CA10: variants seen among roughly 807,000 people sequenced by gnomAD.
CA10 encodes carbonic anhydrase 10 (inactive).
A neutral mutation model predicts 44.2 loss-of-function variants in CA10; 14 were observed. The ratio of observed to expected loss-of-function variants is 0.32; its 90% CI spans 0.21 to 0.50. The LOEUF (loss-of-function observed/expected upper bound fraction) is 0.50, where lower values mean the gene tolerates loss of function less well. Among genes scored for constraint, CA10 ranks in the 20% least tolerant of loss-of-function variants. The probability of loss-of-function intolerance (pLI) is 0.99; values close to 1 mark genes in which losing one functional copy is unlikely to be tolerated. For missense variants in CA10, 350 were observed against 409.7 expected, an observed-to-expected ratio of 0.85 and a Z score of 1.26; for synonymous variants, 159 against 141.6, an observed-to-expected ratio of 1.12 and a Z score of -0.87.
chr17:52,120,147 G>T (rs1988981733), intron 1 of CA10, among the ~76,000 whole-genome samples: 1 of 152,144 alleles, frequency 6.6e-6, no homozygotes, highest in African/African-American at 2.4e-5. Flanking sequence ...ATCTGTGTGT[G>T]CCAGCAGCCT....
At chr17:51,670,635 A>G (rs1914382573) in intron 4 of CA10, among the ~76,000 whole-genome samples, 1 of 152,116 alleles carries the variant, frequency 6.6e-6, no homozygotes, top group Admixed American at 6.5e-5. Flanking sequence ...TGTAGCATCC[A>G]TACTTCCCCA....
At chr17:51,943,427 C>T in intron 2 of CA10, among the ~76,000 whole-genome samples, 2 of 152,200 alleles carry the variant, frequency 1.3e-5, no homozygotes, top group East Asian at 3.9e-4. Context: ...GTAAATATCT[C>T]TAAAGGGTTT....
chr17:51,804,599 G>A (rs531134429), intron 3 of CA10, among the ~76,000 whole-genome samples: 12 of 152,254 alleles, frequency 7.9e-5, no homozygotes, highest in Middle Eastern at 3.4e-3. Context: ...TCTTCACTAA[G>A]ACTCTGCCTT....
At chr17:52,142,395 G>A (rs1989500584) in intron 1 of CA10, among the ~76,000 whole-genome samples, 2 of 152,110 alleles carry the variant, frequency 1.3e-5, no homozygotes, top group African/African-American at 4.8e-5. Context: ...TGAATTTGAT[G>A]CTAATACCAG....
At chr17:52,144,678 T>C (rs967219637) in intron 1 of CA10, among the ~76,000 whole-genome samples, 6 of 152,210 alleles carry the variant, frequency 3.9e-5, no homozygotes, top group African/African-American at 1.2e-4. Context: ...GATTATGTGC[T>C]ATGTGCAGAC....
intron 2 of CA10, among the ~76,000 whole-genome samples, chr17:51,980,783 C>T (rs943487300): frequency 3.9e-5 from 6 of 152,020 alleles, no homozygotes; most frequent in Admixed American, 3.9e-4. Flanking sequence ...GAGTCCTTTC[C>T]CCATTGCTTG....
chr17:51,844,567 A>G (rs1198314364), intron 3 of CA10, among the ~76,000 whole-genome samples: 3 of 152,172 alleles, frequency 2.0e-5, no homozygotes, highest in South Asian at 2.1e-4. Context: ...CTAGGTATCC[A>G]TTGTCATTAA....
intron 4 of CA10, among the ~76,000 whole-genome samples, chr17:51,736,043 A>G (rs1916898419): frequency 6.6e-6 from 1 of 152,208 alleles, no homozygotes; most frequent in East Asian, 1.9e-4. Context: ...CATATTGTAC[A>G]GTTTAAATTC....
At chr17:52,067,895 G>T (rs1987578086) in intron 2 of CA10, among the ~76,000 whole-genome samples, 2 of 152,226 alleles carry the variant, frequency 1.3e-5, no homozygotes. Context: ...ATTGTATCCA[G>T]GAAGTAACTA....
intron 2 of CA10, among the ~76,000 whole-genome samples, chr17:51,978,510 A>G (rs1005444680): frequency 2.0e-5 from 3 of 151,946 alleles, no homozygotes; most frequent in Admixed American, 6.6e-5. Flanking sequence ...ATAGGAAAAA[A>G]TAAGCAAACT....
intron 2 of CA10, among the ~76,000 whole-genome samples, chr17:52,063,303 G>C (rs762993693): frequency 1.2e-4 from 18 of 152,124 alleles, no homozygotes; most frequent in Non-Finnish European, 2.6e-4. Flanking sequence ...TTTGGATTTG[G>C]GACTTTTGAG....
chr17:51,868,280 C>T (rs1199645559), intron 3 of CA10, among the ~76,000 whole-genome samples: 1 of 152,060 alleles, frequency 6.6e-6, no homozygotes, highest in East Asian at 1.9e-4. Context: ...CACAAAGCAC[C>T]AGAATCTATT....
chr17:51,914,160 A>T (rs897751834), intron 3 of CA10, among the ~76,000 whole-genome samples: 2 of 152,176 alleles, frequency 1.3e-5, no homozygotes, highest in Admixed American at 1.3e-4. Flanking sequence ...TCCAAAGTGC[A>T]ATCATGCTTT....
chr17:52,141,671 CA>C (rs1312697072), intron 1 of CA10, among the ~76,000 whole-genome samples: 7 of 152,126 alleles, frequency 4.6e-5, no homozygotes, highest in African/African-American at 1.7e-4. Flanking sequence ...AAGTTGTAAA[CA>C]AACAGGTTGT....
At chr17:51,675,721 A>AAAAAAC (rs1555583038) in intron 4 of CA10, among the ~76,000 whole-genome samples, 1 of 152,198 alleles carries the variant, frequency 6.6e-6, no homozygotes, top group South Asian at 2.1e-4. Flanking sequence ...GTCTCAAAAA[A>AAAAAAC]AAAAACAAAA....
At chr17:51,771,288 C>T (rs1905602181) in intron 3 of CA10, among the ~76,000 whole-genome samples, 1 of 152,036 alleles carries the variant, frequency 6.6e-6, no homozygotes, top group Non-Finnish European at 1.5e-5. Context: ...GAGATTTGGA[C>T]TGGGACAAAT....
chr17:51,743,764 G>A (rs566559944), intron 4 of CA10, among the ~76,000 whole-genome samples: 1 of 152,190 alleles, frequency 6.6e-6, no homozygotes, highest in South Asian at 2.1e-4. Flanking sequence ...ATAAACACAT[G>A]CTTTCTTGCT....
intron 3 of CA10, among the ~76,000 whole-genome samples, chr17:51,821,991 G>A (rs552878739): frequency 4.6e-5 from 7 of 152,264 alleles, no homozygotes; most frequent in Non-Finnish European, 8.8e-5. Context: ...GCTTGGCCCT[G>A]ATGACTTCCA....
At chr17:51,714,892 G>GA (rs1276653263) in intron 4 of CA10, among the ~76,000 whole-genome samples, 5 of 151,954 alleles carry the variant, frequency 3.3e-5, no homozygotes, top group Non-Finnish European at 2.9e-5. Flanking sequence ...TTCAGAGAAT[G>GA]AAAAAAATAG....
Sources: allele counts gnomAD v4.1 joint callset (sites outside exome capture counted in the v4.1 genomes callset), GRCh38; gene constraint gnomAD v4.1.1; transcripts MANE v1.5; gene names NCBI Gene and HGNC (gene_info 2026-07-23, HGNC 2026-07-21).